ZBTB20: variants seen among roughly 807,000 people sequenced by gnomAD.
The protein encoded by ZBTB20 is zinc finger and BTB domain-containing protein 20.
ZBTB20 carries 9 observed loss-of-function variants against 56.9 expected under a neutral mutation model. That is an observed-to-expected ratio of 0.16 (90% CI 0.10 to 0.28). The LOEUF (loss-of-function observed/expected upper bound fraction) is 0.28, where lower values mean the gene tolerates loss of function less well. Among genes scored for constraint, ZBTB20 ranks in the 10% least tolerant of loss-of-function variants. The pLI is 1.00. For missense variants in ZBTB20, 655 were observed against 1,003.0 expected (o/e 0.65, Z 4.69); for synonymous variants, 417 against 420.7 (o/e 0.99, Z 0.11).
At chr3:114,957,667 G>A (rs752616511) in intron 3 of ZBTB20, among the ~76,000 whole-genome samples, 4 of 152,202 alleles carry the variant, frequency 2.6e-5, no homozygotes, top group Non-Finnish European at 4.4e-5. Context: ...AATTCCAGTA[G>A]TGCTTCCTTT....
At chr3:114,472,521 C>A (rs1019696448) in intron 7 of ZBTB20, among the ~76,000 whole-genome samples, 1 of 152,136 alleles carries the variant, frequency 6.6e-6, no homozygotes, top group Non-Finnish European at 1.5e-5. Flanking sequence ...ATCAGCCTGA[C>A]CAACTTGGTG....
At chr3:114,355,944 CA>C (rs2081206284) in intron 10 of ZBTB20, 1 of 151,884 alleles carries the variant, frequency 6.6e-6, no homozygotes, top group Non-Finnish European at 1.5e-5. Flanking sequence ...CTTCCCCACC[CA>C]AAATAAAAAA....
chr3:114,981,128 G>A (rs968894359), intron 2 of ZBTB20, among the ~76,000 whole-genome samples: 3 of 151,770 alleles, frequency 2.0e-5, no homozygotes, highest in East Asian at 1.9e-4. Context: ...ATATGATCAC[G>A]AAATTTTGTA....
chr3:115,080,180 T>C (rs771143339), intron 1 of ZBTB20, among the ~76,000 whole-genome samples: 14 of 152,164 alleles, frequency 9.2e-5, no homozygotes, highest in Non-Finnish European at 1.9e-4. Flanking sequence ...GATCTCTTTC[T>C]ACCAGAAACA....
At chr3:114,357,451 A>G (rs2081366866) in intron 10 of ZBTB20, among the ~76,000 whole-genome samples, 1 of 152,176 alleles carries the variant, frequency 6.6e-6, no homozygotes, top group South Asian at 2.1e-4. Context: ...CATTCTATTT[A>G]TGATCCCAAT....
At chr3:114,820,244 TTTTTGG>T (rs2073163207) in intron 4 of ZBTB20, among the ~76,000 whole-genome samples, 2 of 152,020 alleles carry the variant, frequency 1.3e-5, no homozygotes, top group South Asian at 4.2e-4. Flanking sequence ...TAATTAAAAT[TTTTTGG>T]TACATAATTA....
intron 3 of ZBTB20, among the ~76,000 whole-genome samples, chr3:114,962,436 C>T (rs145516777): frequency 1.3e-5 from 2 of 152,200 alleles, no homozygotes; most frequent in East Asian, 3.9e-4. Flanking sequence ...ACACTCACTG[C>T]AGACAGACAG....
At chr3:114,486,400 A>G (rs2042157377) in intron 7 of ZBTB20, among the ~76,000 whole-genome samples, 1 of 152,162 alleles carries the variant, frequency 6.6e-6, no homozygotes, top group South Asian at 2.1e-4. Context: ...CCCTGTCAAC[A>G]GATAGTGCAT....
chr3:114,889,141 C>T (rs2076714082), intron 4 of ZBTB20, among the ~76,000 whole-genome samples: 1 of 151,376 alleles, frequency 6.6e-6, no homozygotes, highest in Non-Finnish European at 1.5e-5. Context: ...ACATTTTTAC[C>T]CTAATGCACA....
chr3:114,613,318 C>T (rs896900655), intron 6 of ZBTB20, among the ~76,000 whole-genome samples: 5 of 152,306 alleles, frequency 3.3e-5, no homozygotes, highest in Admixed American at 1.3e-4. Flanking sequence ...GCATTTAGCA[C>T]ATCAGGTGGC....
intron 3 of ZBTB20, among the ~76,000 whole-genome samples, chr3:114,962,637 A>G (rs1327262101): frequency 1.3e-5 from 2 of 152,158 alleles, no homozygotes; most frequent in Non-Finnish European, 2.9e-5. Context: ...TACCTTTTAG[A>G]TTGCACCCAA....
chr3:115,033,523 T>G (rs903207962), intron 2 of ZBTB20, among the ~76,000 whole-genome samples: 4 of 151,662 alleles, frequency 2.6e-5, no homozygotes, highest in African/African-American at 9.7e-5. Flanking sequence ...GCTGGGTATG[T>G]ATATACCCAA....
chr3:114,793,276 A>G (rs1417947382), intron 5 of ZBTB20, among the ~76,000 whole-genome samples: 2 of 152,176 alleles, frequency 1.3e-5, no homozygotes. Context: ...GTTAGTCTTA[A>G]GAAGAAAAAT....
Position 114,952,855 on chromosome 3 carries a change from C to T in ZBTB20, c.-456+21511G>A, listed in dbSNP as rs540706317. 5.9e-5 allele frequency among the ~76,000 whole-genome samples: 9 copies of T among 152,054 alleles called. No individual in the cohort carries two copies. The East Asian group carries it at 1.7e-3, about 29-fold the overall frequency. The stretch of plus-strand genomic sequence containing the variant: ...CTAAAACATTTGCTGAAAGGAAGCT[C>T]TCCAGACAGAAGACAAATGATACAA... On this transcript the variant is annotated intron_variant, in intron 3 of 11. Coordinates refer to ENST00000675478, the MANE Select transcript of ZBTB20 (RefSeq NM_001348800.3).
chr3:114,649,380 T>C (rs570096421), intron 6 of ZBTB20, among the ~76,000 whole-genome samples: 2 of 152,096 alleles, frequency 1.3e-5, no homozygotes, highest in African/African-American at 4.8e-5. Context: ...AGTGAAAGGG[T>C]AAGTAGAAAA....
At chr3:114,350,151 G>T in intron 11 of ZBTB20, 123 bp downstream of exon 11, 1 of 1,374,862 alleles carries the variant, frequency 7.3e-7, no homozygotes, top group Non-Finnish European at 9.9e-7. Context: ...AGAGGCTTGT[G>T]GTGGGGTCTG....
intron 10 of ZBTB20, among the ~76,000 whole-genome samples, chr3:114,377,262 G>A (rs1205594250): frequency 5.3e-5 from 8 of 152,164 alleles, no homozygotes. Context: ...AAGCTAGGGG[G>A]TAATGGGGGA....
chr3:114,589,012 A>G (rs1457162518), intron 6 of ZBTB20, among the ~76,000 whole-genome samples: 1 of 152,094 alleles, frequency 6.6e-6, no homozygotes, highest in Non-Finnish European at 1.5e-5. Context: ...AAACCATCAG[A>G]TCTCATGAGA....
chr3:114,351,483 C>T lies in ZBTB20; in HGVS notation c.595G>A (p.Asp199Asn), dbSNP rs760291400. The stretch of plus-strand genomic sequence containing the variant: ...GAGTCCTGGATCCCCGGGAACACAT[C>T]GCCCACGTTCTGTGACACGATGCGC... ...CTRIVSQNVG[D>N]VFPGIQDSGQ... is the part of the protein sequence containing the mutation. Residue 199 changes from aspartate (D) to asparagine (N), a missense_variant, in exon 11 of 12, where the codon GAT becomes AAT. By Grantham distance (23) the Asp-to-Asn change is conservative. Coordinates refer to ENST00000675478, the MANE Select transcript of ZBTB20 (RefSeq NM_001348800.3). 2.5e-6 allele frequency: 4 copies of T among 1,613,916 alleles called. No homozygotes were observed. Among genetic ancestry groups the T allele is most frequent in the Non-Finnish European group, 3.4e-6 (4 of 1,180,012 alleles).
Sources: allele counts gnomAD v4.1 joint callset (sites outside exome capture counted in the v4.1 genomes callset), GRCh38; gene constraint gnomAD v4.1.1; transcripts MANE v1.5; gene names NCBI Gene and HGNC (gene_info 2026-07-23, HGNC 2026-07-21).